The following ZNF717 variants were observed in gnomAD, a reference collection of about 807,000 sequenced individuals.
ZNF717 encodes the protein krueppel-like factor X17.
A neutral mutation model predicts 13.8 loss-of-function variants in ZNF717; 9 were observed. The observed-to-expected ratio is 0.65, with a 90% CI of 0.39 to 1.14. The LOEUF is 1.14. ZNF717 is among the 50% of genes most tolerant of loss of function. ZNF717 has a pLI of 0.01. For missense variants in ZNF717, 1,040 were observed against 1,080.7 expected (o/e 0.96, Z 0.53); for synonymous variants, 327 against 364.1 (o/e 0.90, Z 1.16).
chr3:75,740,626 G>A (rs1289435162), intron 4 of ZNF717, among the ~76,000 whole-genome samples: 2 of 145,308 alleles, frequency 1.4e-5, no homozygotes, highest in South Asian at 2.1e-4. Flanking sequence ...AAGGCCAGAA[G>A]TTCGAGACCA....
chr3:75,764,181 T>C (rs188287618), intron 2 of ZNF717, among the ~76,000 whole-genome samples: 1 of 152,178 alleles, frequency 6.6e-6, no homozygotes, highest in South Asian at 2.1e-4. Context: ...GCCTGCTCCA[T>C]CCTCAATTGC....
At chr3:75,754,076 C>T (rs369202376) in intron 2 of ZNF717, among the ~76,000 whole-genome samples, 4 of 152,258 alleles carry the variant, frequency 2.6e-5, no homozygotes, top group East Asian at 3.8e-4. Context: ...AGAGTCGTTG[C>T]GAGTGTCTGA....
Position 75,737,900 on chromosome 3 carries a change from TAC to T in ZNF717, c.1721_1722del (p.Cys574Ter). On this transcript the variant is annotated frameshift_variant, in exon 5 of 5. Coordinates refer to ENST00000652011, the MANE Select transcript of ZNF717 (RefSeq NM_001290208.3). LOFTEE classifies it low-confidence loss of function (END_TRUNC). ...CTCTGATGTATAGTTAGGAATGACT[TAC>T]AGTGAAAGGATTTTCCACATTCATT... is the stretch of plus-strand genomic sequence containing the variant. ...ECNECGKSFH[C>X]KSFLTIHQRT... The T allele has an allele frequency of 1.3e-6, 2 of 1,548,186 alleles. No individual in the cohort carries two copies. The highest frequency in any genetic ancestry group is 2.4e-5 in the South Asian group (2 of 83,988).
intron 1 of ZNF717, chr3:75,784,831 G>A (rs1028259154): frequency 3.3e-5 from 5 of 151,618 alleles, no homozygotes; most frequent in Admixed American, 1.3e-4. Context: ...GGTTAGACCA[G>A]AGGGCTGTTC....
chr3:75,722,747 G>C (rs1938193828), intron 4 of ZNF717, among the ~76,000 whole-genome samples: 1 of 140,716 alleles, frequency 7.1e-6, no homozygotes. Context: ...CCAGGAGGTG[G>C]AGGTTGCAGT....
intron 6 of ZNF717, among the ~76,000 whole-genome samples, chr3:75,696,892 C>CAAAAAAAAAAAAAAAAAAAAAA (rs142213799): frequency 1.6e-5 from 1 of 61,476 alleles, no homozygotes. Flanking sequence ...GACTTCATCT[C>CAAAAAAAAAAAAAAAAAAAAAA]AAAAAAAAAA....
downstream of ZNF717, among the ~76,000 whole-genome samples, chr3:75,729,605 A>T (rs2106894119): frequency 7.0e-6 from 1 of 143,500 alleles, no homozygotes; most frequent in African/African-American, 2.6e-5. Context: ...ACAATAGCGA[A>T]ACTCCATATC....
At chr3:75,735,345 A>C (rs1180229468), downstream of ZNF717, among the ~76,000 whole-genome samples, 4 of 152,132 alleles carry the variant, frequency 2.6e-5, no homozygotes, top group Non-Finnish European at 5.9e-5. Flanking sequence ...AAACCAAAGT[A>C]TAGAAATGCT....
chr3:75,734,276 T>C (rs1444206002), downstream of ZNF717, among the ~76,000 whole-genome samples: 1 of 151,896 alleles, frequency 6.6e-6, no homozygotes, highest in Non-Finnish European at 1.5e-5. Context: ...TCACCATCTT[T>C]GCCAGGCTGG....
chr3:75,703,842 A>T (rs1937745213), intron 6 of ZNF717, among the ~76,000 whole-genome samples: 1 of 152,310 alleles, frequency 6.6e-6, no homozygotes, highest in Admixed American at 6.5e-5. Context: ...ACTCTATCTT[A>T]ATATGAGTAG....
rs71101853 is a variant in ZNF717 at position 75,768,360 on chromosome 3, TGGGG to T, written c.57+14942_57+14945del. 1.5e-3 allele frequency among the ~76,000 whole-genome samples: 21 copies of T among 13,716 alleles called. 1 individual carries two copies. The East Asian group carries it at 0.027, about 18-fold the overall frequency. The allele number at this position is 13,716 out of a possible 152,430, so 9.0% of individuals were successfully genotyped here. A position where few individuals can be genotyped will look rare whatever the true frequency, so the allele number is the denominator to read the frequency against. ...ATTCAGTCCTCACTGTGGCTGAGTGTGGGGGGGGGGGGTAGATGACAGCCCACCA... is the reference window on the plus strand; with the variant it reads ...ATTCAGTCCTCACTGTGGCTGAGTGTGGGGGGGGTAGATGACAGCCCACCA... On this transcript the variant is annotated intron_variant, in intron 2 of 4. Coordinates refer to ENST00000652011, the MANE Select transcript of ZNF717 (RefSeq NM_001290208.3).
chr3:75,771,555 C>T lies in ZNF717; in HGVS notation c.57+11751G>A, dbSNP rs1428232444. The stretch of plus-strand genomic sequence containing the variant: ...CAGGGTTGCTAGGGCTTCTAATGAC[C>T]CCCAGGAGTGCTGAGGTACAAGCAA... On this transcript the variant is annotated intron_variant, in intron 2 of 4. Transcript: ENST00000652011. Among the ~76,000 whole-genome samples, 4 of 152,224 alleles carry T rather than the reference C, an allele frequency of 2.6e-5. No homozygotes were observed. In the East Asian group the frequency reaches 5.8e-4, roughly 22 times the overall value.
chr3:75,784,313 T>C (rs1008818231), intron 1 of ZNF717, among the ~76,000 whole-genome samples: 7 of 152,206 alleles, frequency 4.6e-5, no homozygotes, highest in African/African-American at 1.7e-4. Flanking sequence ...TATAAGCCAG[T>C]AAGGTTTAAT....
At chr3:75,748,359 T>C (rs1460428176) in intron 2 of ZNF717, among the ~76,000 whole-genome samples, 1,661 of 152,292 alleles carry the variant, frequency 0.011, 37 homozygotes, top group African/African-American at 0.038. Flanking sequence ...ATCATCCTGA[T>C]ACCAAAGCCT....
downstream of ZNF717, among the ~76,000 whole-genome samples, chr3:75,731,765 T>A (rs199785371): frequency 7.3e-3 from 1,106 of 151,460 alleles, 8 homozygotes; most frequent in African/African-American, 0.025. Context: ...AAAATTTAAA[T>A]AAAACAAAAG....
intron 4 of ZNF717, 30 bp from the exon 5 acceptor site, chr3:75,739,375 C>G: frequency 7.0e-7 from 1 of 1,418,498 alleles, no homozygotes; most frequent in South Asian, 1.6e-5. Flanking sequence ...ATCCATGAAC[C>G]ACACATGAGC....
rs2107122761 is a variant in ZNF717, at chr3:75,738,885, A to G, written c.738T>C (p.Cys246=). Residue 246 remains cysteine (C), a synonymous_variant, in exon 5 of 5, where the codon TGT becomes TGC. Transcript: ENST00000652011. ...FGKYNEYEKA[C]NNSAVIVQVI... ...CTTGGACAATAACAGCTGAGTTATTACAGGCTTTCTCATATTCATTATATT... is the reference window on the plus strand; with the variant it reads ...CTTGGACAATAACAGCTGAGTTATTGCAGGCTTTCTCATATTCATTATATT... 6.4e-7 allele frequency: 1 copy of G among 1,551,596 alleles called. No homozygotes were observed. Among genetic ancestry groups the G allele is most frequent in the East Asian group, 2.4e-5 (1 of 40,920 alleles).
At chr3:75,784,351 G>A in intron 1 of ZNF717, among the ~76,000 whole-genome samples, 1 of 151,968 alleles carries the variant, frequency 6.6e-6, no homozygotes, top group East Asian at 1.9e-4. Flanking sequence ...AGTATTAACT[G>A]TTACACCTAA....
chr3:75,713,291 C>T (rs1396057573), intron 5 of ZNF717, among the ~76,000 whole-genome samples: 2 of 152,024 alleles, frequency 1.3e-5, no homozygotes, highest in Non-Finnish European at 1.5e-5. Context: ...GCTGGGACTA[C>T]AGGCATGTGT....
Sources: allele counts gnomAD v4.1 joint callset (sites outside exome capture counted in the v4.1 genomes callset), GRCh38; gene constraint gnomAD v4.1.1; transcripts MANE v1.5; gene names NCBI Gene and HGNC (gene_info 2026-07-23, HGNC 2026-07-21).